The following CTIF variants were observed in gnomAD, a reference collection of about 807,000 sequenced individuals.
CTIF encodes cap binding complex dependent translation initiation factor.
CTIF carries 21 observed loss-of-function variants against 66.0 expected under a neutral mutation model. The ratio of observed to expected loss-of-function variants is 0.32; its 90% CI spans 0.23 to 0.46. The LOEUF is 0.46. Ranked by LOEUF, CTIF falls within the 20% of genes least tolerant of loss-of-function variation. The pLI is 1.00. For synonymous variants in CTIF, 345 were observed against 326.4 expected (o/e 1.06, Z -0.62); for missense variants, 739 against 812.7 (o/e 0.91, Z 1.10).
At chr18:48,808,844 A>C (rs1461141804) in intron 9 of CTIF, among the ~76,000 whole-genome samples, 1 of 152,088 alleles carries the variant, frequency 6.6e-6, no homozygotes. Flanking sequence ...TTTTGTTTTT[A>C]GTTATTTCCC....
chr18:48,808,969 AT>A (rs1226942837), intron 9 of CTIF, among the ~76,000 whole-genome samples: 2 of 152,226 alleles, frequency 1.3e-5, no homozygotes, highest in African/African-American at 4.8e-5. Context: ...CCTGTGAATT[AT>A]TTCAAAGAGA....
intron 3 of CTIF, among the ~76,000 whole-genome samples, chr18:48,654,368 A>G (rs2091208962): frequency 1.3e-5 from 2 of 152,266 alleles, no homozygotes; most frequent in Non-Finnish European, 2.9e-5. Flanking sequence ...AAGACACATG[A>G]AAAAATGCTC....
At chr18:48,566,941 G>A (rs749018660) in intron 1 of CTIF, 4 of 152,170 alleles carry the variant, frequency 2.6e-5, no homozygotes, top group Non-Finnish European at 5.9e-5. Flanking sequence ...ACAGACTGTG[G>A]ATTTGGATTT....
At chr18:48,648,708 T>C (rs1304575873) in intron 3 of CTIF, among the ~76,000 whole-genome samples, 2 of 152,220 alleles carry the variant, frequency 1.3e-5, no homozygotes, top group African/African-American at 4.8e-5. Flanking sequence ...TGGGGTCCTC[T>C]GGTCCAGAAC....
intron 1 of CTIF, 55 bp from the exon 2 acceptor site, chr18:48,619,483 A>G (rs1367428946): frequency 6.0e-6 from 7 of 1,174,688 alleles, no homozygotes; most frequent in Admixed American, 3.4e-5. Context: ...AGGTGTGGGC[A>G]TCGTCGTCTC....
chr18:48,580,560 C>T (rs1219575200), intron 1 of CTIF, among the ~76,000 whole-genome samples: 3 of 152,192 alleles, frequency 2.0e-5, no homozygotes, highest in Non-Finnish European at 4.4e-5. Context: ...TTTAACTTAA[C>T]CTGGACACCT....
chr18:48,604,355 T>A (rs2090165160), intron 1 of CTIF, among the ~76,000 whole-genome samples: 1 of 150,548 alleles, frequency 6.6e-6, no homozygotes, highest in Non-Finnish European at 1.5e-5. Context: ...TTTTTGTATA[T>A]TTTTAGTAGA....
intron 3 of CTIF, among the ~76,000 whole-genome samples, chr18:48,644,051 C>T (rs1247817180): frequency 2.0e-5 from 3 of 152,174 alleles, no homozygotes; most frequent in East Asian, 1.9e-4. Flanking sequence ...CTCCAGCTGA[C>T]GGTTTTTATT....
intron 6 of CTIF, among the ~76,000 whole-genome samples, chr18:48,687,119 G>A (rs920890161): frequency 1.3e-5 from 2 of 152,024 alleles, no homozygotes; most frequent in African/African-American, 2.4e-5. Context: ...GAGGAGCAAC[G>A]GGAGCAGATG....
intron 10 of CTIF, among the ~76,000 whole-genome samples, chr18:48,851,585 G>C (rs2069201285): frequency 6.6e-6 from 1 of 152,128 alleles, no homozygotes; most frequent in Non-Finnish European, 1.5e-5. Flanking sequence ...CTCAGAACCT[G>C]GCAGGCACAG....
intron 1 of CTIF, among the ~76,000 whole-genome samples, chr18:48,560,411 G>C (rs2089129148): frequency 6.6e-6 from 1 of 151,972 alleles, no homozygotes; most frequent in Non-Finnish European, 1.5e-5. Flanking sequence ...ATTTTTAGTA[G>C]AGATGGGGTT....
At chr18:48,774,421 A>G (rs1433315718) in intron 9 of CTIF, among the ~76,000 whole-genome samples, 1 of 151,704 alleles carries the variant, frequency 6.6e-6, no homozygotes. Flanking sequence ...AAAGGCCTTC[A>G]CTCGGTATCA....
At chr18:48,589,937 C>T (rs924591219) in intron 1 of CTIF, among the ~76,000 whole-genome samples, 4 of 152,230 alleles carry the variant, frequency 2.6e-5, no homozygotes, top group South Asian at 2.1e-4. Flanking sequence ...CTGGGACGTG[C>T]GGTCATGCGT....
intron 9 of CTIF, among the ~76,000 whole-genome samples, chr18:48,779,108 A>T (rs1910971706): frequency 6.6e-6 from 1 of 152,152 alleles, no homozygotes; most frequent in Admixed American, 6.5e-5. Flanking sequence ...TGAGGCTTGA[A>T]TGGTGGGGAC....
chr18:48,625,060 T>C (rs938774729), intron 2 of CTIF: 60 of 207,404 alleles, frequency 2.9e-4, no homozygotes, highest in Admixed American at 3.3e-4. Context: ...AAGTTTCTCC[T>C]CTTTCTCTTT....
intron 7 of CTIF, among the ~76,000 whole-genome samples, chr18:48,746,663 G>A (rs897978491): frequency 1.3e-5 from 2 of 151,834 alleles, no homozygotes; most frequent in African/African-American, 4.8e-5. Flanking sequence ...GGAGGGGAGA[G>A]GCCTCAGTGT....
rs773098574 is a variant in CTIF at position 48,857,649 on chromosome 18, T to C, written c.1581+8T>C. The C allele has an allele frequency of 1.9e-6, 3 of 1,602,114 alleles. No individual in the cohort carries two copies. Among genetic ancestry groups the C allele is most frequent in the South Asian group, 2.2e-5 (2 of 89,034 alleles). ...CTTTGCTGCTCTATGGAGGTAAGCT[T>C]TGGGGCTTCGACATCCCCAACCTCA... On this transcript the variant is annotated splice_region_variant and intron_variant, in intron 11 of 11. Transcript: ENST00000256413.
intron 7 of CTIF, among the ~76,000 whole-genome samples, chr18:48,715,723 T>C (rs2092275344): frequency 1.3e-5 from 2 of 152,222 alleles, no homozygotes; most frequent in African/African-American, 4.8e-5. Context: ...CTGAGCTCCC[T>C]GGGAAGCAGG....
intron 1 of CTIF, among the ~76,000 whole-genome samples, chr18:48,557,239 C>G (rs886234060): frequency 2.0e-5 from 3 of 152,150 alleles, no homozygotes; most frequent in African/African-American, 7.2e-5. Context: ...TGTTTGGAGA[C>G]CTGGAAATTC....
Sources: allele counts gnomAD v4.1 joint callset (sites outside exome capture counted in the v4.1 genomes callset), GRCh38; gene constraint gnomAD v4.1.1; transcripts MANE v1.5; gene names NCBI Gene and HGNC (gene_info 2026-07-23, HGNC 2026-07-21).